Variants in TRIM37 observed in about 807,000 individuals in gnomAD.
The protein encoded by TRIM37 is E3 ubiquitin-protein ligase TRIM37.
In TRIM37, 80 loss-of-function variants were observed where a neutral mutation model predicts 129.8. The observed-to-expected ratio is 0.62, with a 90% CI of 0.51 to 0.74. The LOEUF is 0.74. TRIM37 is among the 30% of genes least tolerant of loss of function. TRIM37 has a pLI of 0.00. For missense variants in TRIM37, 1,054 were observed against 1,176.5 expected (o/e 0.90, Z 1.52); for synonymous variants, 389 against 387.1 (o/e 1.00, Z -0.06).
At chr17:58,969,363 T>A in the TRIM37 span, 1 of 718,302 alleles carries the variant, frequency 1.4e-6, no homozygotes, top group Non-Finnish European at 2.5e-6. Context: ...ACCCTAATAT[T>A]GCAGGTATTT....
intron 24 of TRIM37, among the ~76,000 whole-genome samples, chr17:58,990,661 C>T (rs775074189): frequency 8.0e-5 from 12 of 150,786 alleles, no homozygotes; most frequent in Non-Finnish European, 1.5e-4. Context: ...TGTGGTGGTG[C>T]GCACCTGTAA....
intron 8 of TRIM37, among the ~76,000 whole-genome samples, chr17:59,072,596 C>G (rs1568169541): frequency 6.6e-6 from 1 of 151,680 alleles, no homozygotes; most frequent in Non-Finnish European, 1.5e-5. Flanking sequence ...AAAAATATAA[C>G]AATTAGCTGG....
intron 13 of TRIM37, among the ~76,000 whole-genome samples, chr17:59,051,816 C>T (rs1260886674): frequency 3.3e-5 from 5 of 151,852 alleles, no homozygotes; most frequent in Non-Finnish European, 5.9e-5. Flanking sequence ...CTGCAAGCTC[C>T]ACCTCCCGGG....
intron 14 of TRIM37, 112 bp from the exon 15 acceptor site, chr17:59,049,505 A>AT: frequency 1.0e-6 from 1 of 970,950 alleles, no homozygotes; most frequent in Non-Finnish European, 1.6e-6. Context: ...TGCTTTATTT[A>AT]TTTTTTGAGA....
intron 19 of TRIM37, among the ~76,000 whole-genome samples, chr17:59,022,142 G>T (rs538587076): frequency 3.9e-5 from 6 of 152,158 alleles, no homozygotes; most frequent in Admixed American, 3.3e-4. Context: ...CACAGAATTA[G>T]AACTAAAGTG....
intron 12 of TRIM37, 45 bp from the exon 13 acceptor site, chr17:59,057,099 GAATA>G (rs2041013337): frequency 6.4e-7 from 1 of 1,564,208 alleles, no homozygotes; most frequent in African/African-American, 1.4e-5. Flanking sequence ...AGTAAAGTAA[GAATA>G]AAAAACAAAC....
intron 19 of TRIM37, among the ~76,000 whole-genome samples, chr17:59,026,412 T>C (rs1403794596): frequency 6.6e-6 from 1 of 152,092 alleles, no homozygotes; most frequent in Non-Finnish European, 1.5e-5. Flanking sequence ...ACACATAAAA[T>C]GGGCTTCTTC....
chr17:59,028,246 T>C (rs2037448256), intron 19 of TRIM37, among the ~76,000 whole-genome samples, 169 bp downstream of exon 19: 2 of 152,240 alleles, frequency 1.3e-5, no homozygotes, highest in African/African-American at 2.4e-5. Flanking sequence ...AGTTCTATTA[T>C]ATAGTAAAAA....
the TRIM37 span, among the ~76,000 whole-genome samples, chr17:58,975,502 A>G: frequency 6.6e-6 from 1 of 152,146 alleles, no homozygotes; most frequent in East Asian, 1.9e-4. Context: ...ACAATCTAAG[A>G]GTGGATAAGG....
At chr17:59,018,643 T>C (rs1157207880) in intron 19 of TRIM37, among the ~76,000 whole-genome samples, 2 of 151,266 alleles carry the variant, frequency 1.3e-5, no homozygotes. Flanking sequence ...CTGATTAGAA[T>C]ACTTAATACT....
chr17:58,977,217 G>C, the TRIM37 span, among the ~76,000 whole-genome samples: 1 of 152,020 alleles, frequency 6.6e-6, no homozygotes, highest in East Asian at 1.9e-4. Flanking sequence ...AGCCCAGGTG[G>C]GTAGATCACA....
intron 24 of TRIM37, among the ~76,000 whole-genome samples, chr17:58,985,936 G>A (rs1216958134): frequency 6.6e-6 from 1 of 152,156 alleles, no homozygotes; most frequent in Admixed American, 6.5e-5. Context: ...GGGAATGACA[G>A]AAAAGGAACA....
rs1599639278 is a variant in TRIM37 at position 59,106,822 on chromosome 17, A to C, written c.-361T>G. 1 of 464,596 alleles carries C rather than the reference A, an allele frequency of 2.2e-6. No homozygotes were observed. Among genetic ancestry groups the C allele is most frequent in the East Asian group, 4.2e-5 (1 of 23,668 alleles). The allele number at this position is 464,596 out of a possible 1,614,324, so 28.8% of individuals were successfully genotyped here. A position where few individuals can be genotyped will look rare whatever the true frequency, so the allele number is the denominator to read the frequency against. The stretch of plus-strand genomic sequence containing the variant: ...GTTCAGCGAAGAAGGTGCCGCAGAG[A>C]ATTCGCAAACACCAACCGTAACCAG... On this transcript the variant is annotated 5_prime_UTR_variant, in exon 1 of 24. In the 5' UTR this introduces an upstream ATG that the reference lacks. Coordinates refer to ENST00000262294, the MANE Select transcript of TRIM37 (RefSeq NM_015294.6).
rs1345789142 is a variant in TRIM37, at chr17:59,041,993, T to A, written c.1668-95A>T. ...ATTTTATGATATGCAGATTTTTCTGTGAAATAAGATATTTCTAAATACAAA... is the reference window on the plus strand; with the variant it reads ...ATTTTATGATATGCAGATTTTTCTGAGAAATAAGATATTTCTAAATACAAA... On this transcript the variant is annotated intron_variant, in intron 16 of 23. Transcript: ENST00000262294. The A allele has an allele frequency of 4.8e-5, 40 of 826,830 alleles. No homozygotes were observed. The South Asian group carries it at 5.5e-4, about 11-fold the overall frequency. The allele number at this position is 826,830 out of a possible 1,614,324, so 51.2% of individuals were successfully genotyped here.
intron 9 of TRIM37, among the ~76,000 whole-genome samples, chr17:59,064,982 C>T (rs979544932): frequency 1.3e-5 from 2 of 152,064 alleles, no homozygotes; most frequent in Non-Finnish European, 2.9e-5. Context: ...ACCCCAGATG[C>T]GGAGGTTGCG....
At chr17:59,048,409 A>G (rs2040019891) in intron 15 of TRIM37, among the ~76,000 whole-genome samples, 1 of 152,044 alleles carries the variant, frequency 6.6e-6, no homozygotes, top group African/African-American at 2.4e-5. Flanking sequence ...AATTACTACA[A>G]AAAAACCAAC....
intron 4 of TRIM37, among the ~76,000 whole-genome samples, chr17:59,087,284 C>A (rs1175330955): frequency 6.6e-6 from 1 of 151,828 alleles, no homozygotes; most frequent in Non-Finnish European, 1.5e-5. Context: ...TTAGTAGAGA[C>A]AGGGTTCTCC....
At chr17:59,054,463 A>G (rs922668659) in intron 13 of TRIM37, among the ~76,000 whole-genome samples, 2 of 151,450 alleles carry the variant, frequency 1.3e-5, no homozygotes, top group African/African-American at 4.9e-5. Flanking sequence ...CACCATGCCC[A>G]GCTAATTTTT....
At chr17:58,994,128 G>T (rs937777508), downstream of TRIM37, among the ~76,000 whole-genome samples, 16 of 152,266 alleles carry the variant, frequency 1.1e-4, no homozygotes, top group Middle Eastern at 3.4e-3. Flanking sequence ...TTCTGTCAGA[G>T]AAAGGCATTA....
Sources: allele counts gnomAD v4.1 joint callset (sites outside exome capture counted in the v4.1 genomes callset), GRCh38; gene constraint gnomAD v4.1.1; transcripts MANE v1.5; gene names NCBI Gene and HGNC (gene_info 2026-07-23, HGNC 2026-07-21).